Variants in MYOD1 observed in about 807,000 individuals in gnomAD.
The protein encoded by MYOD1 is myoblast determination protein 1.
MYOD1 carries 15 observed loss-of-function variants against 14.9 expected under a neutral mutation model. The observed-to-expected ratio is 1.01, with a 90% confidence interval of 0.67 to 1.55. The LOEUF is 1.55. MYOD1 is among the 40% of genes most tolerant of loss of function. The pLI is 0.00. For synonymous variants in MYOD1, 235 were observed against 218.6 expected (o/e 1.07, Z -0.66); for missense variants, 529 against 482.6 (o/e 1.10, Z -0.90).
At position 17,720,183 on chromosome 11, in the gene MYOD1, G is replaced by T; in HGVS notation, c.401G>T (p.Arg134Leu). Reference protein sequence around the residue: ...KVNEAFETLKRCTSSNPNQRL... With the variant: ...KVNEAFETLKLCTSSNPNQRL... ...AATGAGGCCTTTGAGACACTCAAGC[G>T]CTGCACGTCGAGCAATCCAAACCAG... The change falls in exon 1 of 3, where the codon CGC becomes CTC. Residue 134 changes from arginine (R) to leucine (L), a missense_variant. Physicochemically the swap from Arg to Leu is moderately radical, Grantham distance 102 (BLOSUM62 -2). Transcript: ENST00000250003. 1.2e-6 allele frequency: 2 copies of T among 1,609,632 alleles called. No individual in the cohort carries two copies. The highest frequency in any genetic ancestry group is 2.2e-5 in the South Asian group (2 of 90,686).
chr11:17,719,997 C>T lies in MYOD1; in HGVS notation c.215C>T (p.Ala72Val), dbSNP rs774115486. The T allele has an allele frequency of 6.2e-7, 1 of 1,606,772 alleles. No individual in the cohort carries two copies. Among genetic ancestry groups the T allele is most frequent in the South Asian group, 1.1e-5 (1 of 90,496 alleles). ...CACTTCCCCGCGGCGGTGCACCCGG[C>T]CCCGGGCGCACGTGAGGACGAGCAT... ...HSHFPAAVHP[A>V]PGAREDEHVR... Residue 72 changes from alanine to valine, a missense_variant, in exon 1 of 3, where the codon GCC (alanine) becomes GTC (valine). Physicochemically the swap from Ala to Val is moderately conservative, Grantham distance 64. Coordinates refer to ENST00000250003, the MANE Select transcript of MYOD1 (RefSeq NM_002478.5).
Position 17,720,919 on chromosome 11 carries a change from C to G in MYOD1, c.648C>G (p.Pro216=). ...GTTTGCAGATGGACTACAGCGGCCC[C>G]CCGAGCGGCGCCCGGCGGCGGAACT... is the stretch of plus-strand genomic sequence containing the variant. ...CSDGMMDYSG[P]PSGARRRNCY... is the part of the protein sequence containing the mutation. The change falls in exon 2 of 3, where the codon CCC becomes CCG. Residue 216 remains proline (P), a synonymous_variant. Coordinates refer to ENST00000250003, the MANE Select transcript of MYOD1 (RefSeq NM_002478.5). The G allele has an allele frequency of 6.2e-7, 1 of 1,612,168 alleles. No homozygotes were observed. The highest frequency in any genetic ancestry group is 8.5e-7 in the Non-Finnish European group (1 of 1,179,730).
chr11:17,720,808 T>A, intron 1 of MYOD1, 94 bp from the exon 2 acceptor site: 2 of 1,357,716 alleles, frequency 1.5e-6, no homozygotes, highest in South Asian at 2.6e-5. Context: ...ACTAGAGCCT[T>A]AGGCTAGAGT....
At position 17,721,523 on chromosome 11, in the gene MYOD1, C is replaced by T. The variant is rs774048982; in HGVS notation, c.*15C>T. 3.3e-6 allele frequency: 5 copies of T among 1,497,734 alleles called. No individual in the cohort carries two copies. The highest frequency in any genetic ancestry group is 4.4e-6 in the Non-Finnish European group (5 of 1,129,294). The allele number at this position is 1,497,734 out of a possible 1,614,324, so 92.8% of individuals were successfully genotyped here. A position where few individuals can be genotyped will look rare whatever the true frequency, so the allele number is the denominator to read the frequency against. On this transcript the variant is annotated 3_prime_UTR_variant, in exon 3 of 3. Transcript: ENST00000250003. This position sits in a 1 kb window ranked among gnomAD's most constrained non-coding sequence, Gnocchi z 6.2. The stretch of plus-strand genomic sequence containing the variant: ...AGGTGCTCTGAGGGGATGGTGGCCG[C>T]CCACCCGCCCGAGGGATGGTGCCCC...
rs1382907829 is a variant in MYOD1, at chr11:17,721,438, C to A, written c.893C>A (p.Thr298Asn). Residue 298 changes from threonine to asparagine, a missense_variant, in exon 3 of 3, where the codon ACC (threonine) becomes AAC (asparagine). Transcript: ENST00000250003. The surrounding 1 kb of genome is among the most constrained non-coding windows in gnomAD (Gnocchi z 6.2). ...PSEGESSGDPTQSPDAAPQCP... is the reference protein window; with the variant it reads ...PSEGESSGDPNQSPDAAPQCP... The stretch of plus-strand genomic sequence containing the variant: ...GAGGGAGAGAGCAGCGGCGACCCCA[C>A]CCAGTCACCGGACGCCGCCCCGCAG... 1 of 1,597,858 alleles carries A rather than the reference C, an allele frequency of 6.3e-7. No individual in the cohort carries two copies.
Position 17,720,299 on chromosome 11 carries a change from G to A in MYOD1, c.517G>A (p.Gly173Ser). 1 of 1,592,566 alleles carries A rather than the reference G, an allele frequency of 6.3e-7. No homozygotes were observed. Among genetic ancestry groups the A allele is most frequent in the Non-Finnish European group, 8.5e-7 (1 of 1,173,032 alleles). The change falls in exon 1 of 3, where the codon GGC becomes AGC. Residue 173 changes from glycine to serine, a missense_variant. Physicochemically the swap from Gly to Ser is moderately conservative, Grantham distance 56. Transcript: ENST00000250003. ...LLRDQDAAPP[G>S]AAAAFYAPGP... ...GCGCGACCAGGACGCCGCGCCCCCTGGCGCCGCAGCCGCCTTCTATGCGCC... is the reference window on the plus strand; with the variant it reads ...GCGCGACCAGGACGCCGCGCCCCCTAGCGCCGCAGCCGCCTTCTATGCGCC...
chr11:17,720,256 G>C lies in MYOD1; in HGVS notation c.474G>C (p.Glu158Asp). ...TGCGCAACGCCATCCGCTATATCGA[G>C]GGCCTGCAGGCTCTGCTGCGCGACC... ...EILRNAIRYI[E>D]GLQALLRDQD... The change falls in exon 1 of 3, where the codon GAG (glutamate) becomes GAC (aspartate). Residue 158 changes from glutamate to aspartate, a missense_variant. By Grantham distance (45) the Glu-to-Asp change is conservative. Transcript: ENST00000250003. 6.2e-7 allele frequency: 1 copy of C among 1,604,242 alleles called. No individual in the cohort carries two copies. The highest frequency in any genetic ancestry group is 8.5e-7 in the Non-Finnish European group (1 of 1,177,094).
chr11:17,720,457 G>A, intron 1 of MYOD1, 45 bp downstream of exon 1: 1 of 1,494,068 alleles, frequency 6.7e-7, no homozygotes, highest in Non-Finnish European at 8.8e-7. Context: ...GGCGGCGCTC[G>A]GGATATCAGG....
Position 17,721,403 on chromosome 11 carries a change from C to T in MYOD1, c.858C>T (p.Ala286=). 1 of 1,597,530 alleles carries T rather than the reference C, an allele frequency of 6.3e-7. No homozygotes were observed. The highest frequency in any genetic ancestry group is 8.5e-7 in the Non-Finnish European group (1 of 1,178,236). Residue 286 remains alanine, a synonymous_variant, in exon 3 of 3, where the codon GCC becomes GCT. Coordinates refer to ENST00000250003, the MANE Select transcript of MYOD1 (RefSeq NM_002478.5). The surrounding 1 kb of genome is among the most constrained non-coding windows in gnomAD (Gnocchi z 6.2). ...CGCCTCCGCGCAGGCAAGAGGCTGCCGCCCCCAGCGAGGGAGAGAGCAGCG... is the reference window on the plus strand; with the variant it reads ...CGCCTCCGCGCAGGCAAGAGGCTGCTGCCCCCAGCGAGGGAGAGAGCAGCG... ...SESPPRRQEA[A]APSEGESSGD...
chr11:17,720,975 C>A lies in MYOD1; in HGVS notation c.704C>A (p.Pro235His). 6.3e-7 allele frequency: 1 copy of A among 1,596,008 alleles called. No homozygotes were observed. Among genetic ancestry groups the A allele is most frequent in the Non-Finnish European group, 8.5e-7 (1 of 1,172,398 alleles). ...GAAGGCGCCTACTACAACGAGGCGC[C>A]CAGCGGTGGGTATTCCGGGCCTCTC... ...CYEGAYYNEAPSEPRPGKSAA... is the reference protein window; with the variant it reads ...CYEGAYYNEAHSEPRPGKSAA... Residue 235 changes from proline (P) to histidine (H), a missense_variant, in exon 2 of 3, where the codon CCC becomes CAC. Coordinates refer to ENST00000250003, the MANE Select transcript of MYOD1 (RefSeq NM_002478.5).
rs749977648 is a variant in MYOD1, at chr11:17,721,286, G to C, written c.741G>C (p.Ser247=). Residue 247 remains serine (S), a synonymous_variant, in exon 3 of 3, where the codon TCG becomes TCC. Transcript: ENST00000250003. This position sits in a 1 kb window ranked among gnomAD's most constrained non-coding sequence, Gnocchi z 6.2. ...EPRPGKSAAV[S]SLDCLSSIVE... ...GGCCCGGGAAGAGTGCGGCGGTGTC[G>C]AGCCTAGACTGCCTGTCCAGCATCG... 9 of 1,574,978 alleles carry C rather than the reference G, an allele frequency of 5.7e-6. No individual in the cohort carries two copies. In the South Asian group the frequency reaches 1.0e-4, roughly 18 times the overall value.
At position 17,721,726 on chromosome 11, in the gene MYOD1, T is replaced by G. The variant is rs564864192; in HGVS notation, c.*218T>G. 14 of 497,044 alleles carry G rather than the reference T, an allele frequency of 2.8e-5. No individual in the cohort carries two copies. The highest frequency in any genetic ancestry group is 4.8e-5 in the Non-Finnish European group (14 of 293,082). The allele number at this position is 497,044 out of a possible 1,614,324, so 30.8% of individuals were successfully genotyped here. ...CACCCTTCTCGGAGACCCATTGCGATGGCCGCTCCGTGTTCCTCGGTGGGC... is the reference window on the plus strand; with the variant it reads ...CACCCTTCTCGGAGACCCATTGCGAGGGCCGCTCCGTGTTCCTCGGTGGGC... On this transcript the variant is annotated 3_prime_UTR_variant, in exon 3 of 3. Transcript: ENST00000250003. This position sits in a 1 kb window ranked among gnomAD's most constrained non-coding sequence, Gnocchi z 6.2.
chr11:17,721,666 C>T lies in MYOD1; in HGVS notation c.*158C>T. The stretch of plus-strand genomic sequence containing the variant: ...AACTGAAGTTTCCGCCCCCGCCCCA[C>T]AGGGCAAGGACACAGCGCGGTTTTT... On this transcript the variant is annotated 3_prime_UTR_variant, in exon 3 of 3. Coordinates refer to ENST00000250003, the MANE Select transcript of MYOD1 (RefSeq NM_002478.5). This position sits in a 1 kb window ranked among gnomAD's most constrained non-coding sequence, Gnocchi z 6.2. The T allele has an allele frequency of 1.2e-6, 1 of 862,966 alleles. No individual in the cohort carries two copies. The highest frequency in any genetic ancestry group is 1.7e-6 in the Non-Finnish European group (1 of 604,454). 53.5% of individuals were successfully genotyped at this position (862,966 alleles called of 1,614,324 possible).
rs1240492599 is a variant in MYOD1 at position 17,721,315 on chromosome 11, A to C, written c.770A>C (p.Glu257Ala). The C allele has an allele frequency of 1.3e-6, 2 of 1,595,054 alleles. No individual in the cohort carries two copies. Among genetic ancestry groups the C allele is most frequent in the East Asian group, 4.5e-5 (2 of 44,472 alleles). The change falls in exon 3 of 3, where the codon GAG becomes GCG. Residue 257 changes from glutamate (E) to alanine (A), a missense_variant. Glu to Ala is a moderately radical substitution (Grantham distance 107, BLOSUM62 -1). Transcript: ENST00000250003. The surrounding 1 kb of genome is among the most constrained non-coding windows in gnomAD (Gnocchi z 6.2). ...CTAGACTGCCTGTCCAGCATCGTGG[A>C]GCGCATCTCCACCGAGAGCCCTGCG... ...SSLDCLSSIVERISTESPAAP... is the reference protein window; with the variant it reads ...SSLDCLSSIVARISTESPAAP...
Position 17,721,422 on chromosome 11 carries a change from A to C in MYOD1, c.877A>C (p.Ser293Arg). The C allele has an allele frequency of 6.3e-7, 1 of 1,598,112 alleles. No individual in the cohort carries two copies. Among genetic ancestry groups the C allele is most frequent in the Non-Finnish European group, 8.5e-7 (1 of 1,178,114 alleles). ...QEAAAPSEGE[S>R]SGDPTQSPDA... ...GGCTGCCGCCCCCAGCGAGGGAGAG[A>C]GCAGCGGCGACCCCACCCAGTCACC... The change falls in exon 3 of 3, where the codon AGC (serine) becomes CGC (arginine). Residue 293 changes from serine (S) to arginine (R), a missense_variant. Transcript: ENST00000250003. The surrounding 1 kb of genome is among the most constrained non-coding windows in gnomAD (Gnocchi z 6.2).
In MYOD1 at chr11:17,720,138, G is replaced by A; in HGVS notation, c.356G>A (p.Arg119Gln). The change falls in exon 1 of 3, where the codon CGG (arginine) becomes CAG (glutamine). Residue 119 changes from arginine to glutamine, a missense_variant. Arg to Gln is a conservative substitution (Grantham distance 43, BLOSUM62 1). Transcript: ENST00000250003. The part of the protein sequence containing the change: ...DRRKAATMRE[R>Q]RRLSKVNEAF... Reference sequence around the variant, plus strand: ...CGCAAGGCCGCCACCATGCGCGAGCGGCGCCGCCTGAGCAAAGTAAATGAG... The same window carrying A: ...CGCAAGGCCGCCACCATGCGCGAGCAGCGCCGCCTGAGCAAAGTAAATGAG... 1 of 1,596,122 alleles carries A rather than the reference G, an allele frequency of 6.3e-7. No homozygotes were observed. Among genetic ancestry groups the A allele is most frequent in the Middle Eastern group, 1.7e-4 (1 of 6,010 alleles).
chr11:17,719,802 C>A lies in MYOD1; in HGVS notation c.20C>A (p.Pro7Gln), dbSNP rs747516939. ...CAGGATATGGAGCTACTGTCGCCAC[C>A]GCTCCGCGACGTAGACCTGACGGCC... Reference protein sequence around the residue: MELLSPPLRDVDLTAPD... With the variant: MELLSPQLRDVDLTAPD... Residue 7 changes from proline to glutamine, a missense_variant, in exon 1 of 3, where the codon CCG becomes CAG. Pro to Gln is a moderately conservative substitution (Grantham distance 76, BLOSUM62 -1). Transcript: ENST00000250003. 1.9e-6 allele frequency: 3 copies of A among 1,613,130 alleles called. No individual in the cohort carries two copies. The highest frequency in any genetic ancestry group is 2.5e-6 in the Non-Finnish European group (3 of 1,179,866).
chr11:17,719,697 G>T lies in MYOD1; in HGVS notation c.-86G>T. On this transcript the variant is annotated 5_prime_UTR_variant, in exon 1 of 3. Coordinates refer to ENST00000250003, the MANE Select transcript of MYOD1 (RefSeq NM_002478.5). Reference sequence around the variant, plus strand: ...TGCCAGCACTTTGCTATCTACAGCCGGGGCTCCCGAGCGGCAGAAAGTTCC... The same window carrying T: ...TGCCAGCACTTTGCTATCTACAGCCTGGGCTCCCGAGCGGCAGAAAGTTCC... 6.6e-7 allele frequency: 1 copy of T among 1,508,876 alleles called. No homozygotes were observed. Among genetic ancestry groups the T allele is most frequent in the Non-Finnish European group, 8.9e-7 (1 of 1,126,310 alleles). 93.5% of individuals were successfully genotyped at this position (1,508,876 alleles called of 1,614,324 possible).
chr11:17,721,497 C>T lies in MYOD1; in HGVS notation c.952C>T (p.Gln318Ter). 1 of 1,555,832 alleles carries T rather than the reference C, an allele frequency of 6.4e-7. No homozygotes were observed. Among genetic ancestry groups the T allele is most frequent in the South Asian group, 1.2e-5 (1 of 85,532 alleles). Reference protein sequence around the residue: ...PAGANPNPIYQVL With the variant: ...PAGANPNPIY Reference sequence around the variant, plus strand: ...GGGTGCGAACCCCAACCCGATATACCAGGTGCTCTGAGGGGATGGTGGCCG... The same window carrying T: ...GGGTGCGAACCCCAACCCGATATACTAGGTGCTCTGAGGGGATGGTGGCCG... Residue 318 changes from glutamine to a stop codon, truncating the protein, a stop_gained, in exon 3 of 3, where the codon CAG (glutamine) becomes TAG (stop). Coordinates refer to ENST00000250003, the MANE Select transcript of MYOD1 (RefSeq NM_002478.5). LOFTEE classifies it high-confidence loss of function. This position sits in a 1 kb window ranked among gnomAD's most constrained non-coding sequence, Gnocchi z 6.2.
Sources: allele counts gnomAD v4.1 joint callset, GRCh38; gene constraint gnomAD v4.1.1; non-coding constraint Gnocchi (gnomAD v3.1); transcripts MANE v1.5; gene names NCBI Gene and HGNC (gene_info 2026-07-23, HGNC 2026-07-21).